The following AUTS2 variants were observed in gnomAD, a reference collection of about 807,000 sequenced individuals.
AUTS2 encodes autism susceptibility gene 2 protein.
AUTS2 carries 17 observed loss-of-function variants against 112.4 expected under a neutral mutation model. The observed-to-expected ratio is 0.15, with a 90% confidence interval of 0.10 to 0.23. The LOEUF (loss-of-function observed/expected upper bound fraction) is 0.23, where lower values mean the gene tolerates loss of function less well. Among genes scored for constraint, AUTS2 ranks in the 10% least tolerant of loss-of-function variants. The probability of loss-of-function intolerance (pLI) is 1.00; values close to 1 mark genes in which losing one functional copy is unlikely to be tolerated. For synonymous variants in AUTS2, 751 were observed against 702.7 expected, an observed-to-expected ratio of 1.07 and a Z score of -1.09; for missense variants, 1,510 against 1,701.6, an observed-to-expected ratio of 0.89 and a Z score of 1.98.
intron 5 of AUTS2, among the ~76,000 whole-genome samples, chr7:70,651,485 G>T (rs1358701243): frequency 6.6e-6 from 1 of 152,178 alleles, no homozygotes; most frequent in Non-Finnish European, 1.5e-5. Flanking sequence ...ACTGAGCATT[G>T]TAGCTTAGCC....
intron 1 of AUTS2, among the ~76,000 whole-genome samples, chr7:69,824,258 A>C (rs1478297076): frequency 6.6e-6 from 1 of 152,008 alleles, no homozygotes; most frequent in Non-Finnish European, 1.5e-5. Flanking sequence ...CTAAAAATAC[A>C]AAAAATTAGT....
In AUTS2 at chr7:69,645,183, A is replaced by T. The variant is rs80106758; in HGVS notation, c.309+45221A>T. On this transcript the variant is annotated intron_variant, in intron 1 of 18. Coordinates refer to ENST00000342771, the MANE Select transcript of AUTS2 (RefSeq NM_015570.4). Reference sequence around the variant, plus strand: ...TGCCTTGGCCTCCAAAAATACTGAGATTACAGGCATGAGCCACTGTGCCTG... The same window carrying T: ...TGCCTTGGCCTCCAAAAATACTGAGTTTACAGGCATGAGCCACTGTGCCTG... Among the ~76,000 whole-genome samples the T allele has an allele frequency of 0.021, 3,152 of 151,804 alleles. 235 individuals are homozygous for T. The East Asian group carries it at 0.27, about 13-fold the overall frequency.
At chr7:70,245,530 G>T (rs139535404) in intron 4 of AUTS2, among the ~76,000 whole-genome samples, 76 of 152,206 alleles carry the variant, frequency 5.0e-4, no homozygotes, top group African/African-American at 1.8e-3. Flanking sequence ...TGGTTTTTCT[G>T]CTGCTTAGTT....
rs1290634192 is a variant in AUTS2 at position 70,608,099 on chromosome 7, G to A, written c.691-90470G>A. 2.0e-5 allele frequency among the ~76,000 whole-genome samples: 3 copies of A among 151,970 alleles called. No individual in the cohort carries two copies. The East Asian group carries it at 5.8e-4, about 29-fold the overall frequency. ...GCATTTGCTCTTTTGTTAGTCTTTG[G>A]CATTTATTTTATTTTATTTTTAGAG... On this transcript the variant is annotated intron_variant, in intron 5 of 18. Coordinates refer to ENST00000342771, the MANE Select transcript of AUTS2 (RefSeq NM_015570.4).
chr7:69,891,924 C>A (rs2129539321), intron 1 of AUTS2, among the ~76,000 whole-genome samples: 1 of 150,266 alleles, frequency 6.7e-6, no homozygotes, highest in South Asian at 2.1e-4. Context: ...CTCCGAGTAG[C>A]TGGGATTACA....
At chr7:69,794,028 A>T (rs149325855) in intron 1 of AUTS2, among the ~76,000 whole-genome samples, 1 of 152,314 alleles carries the variant, frequency 6.6e-6, no homozygotes, top group Non-Finnish European at 1.5e-5. Context: ...AGGGAAAATT[A>T]TGCTGATTAG....
chr7:70,008,097 GTA>G (rs1799628144), intron 2 of AUTS2, among the ~76,000 whole-genome samples: 1 of 152,064 alleles, frequency 6.6e-6, no homozygotes, highest in East Asian at 1.9e-4. Context: ...CATGTGTTAA[GTA>G]TATTAACTCT....
intron 4 of AUTS2, among the ~76,000 whole-genome samples, chr7:70,289,720 T>C (rs1788625039): frequency 6.6e-6 from 1 of 152,220 alleles, no homozygotes; most frequent in East Asian, 1.9e-4. Flanking sequence ...GATTTTGGGC[T>C]TCCCTTCTAG....
At chr7:70,671,419 C>A (rs1807636471) in intron 5 of AUTS2, among the ~76,000 whole-genome samples, 1 of 152,196 alleles carries the variant, frequency 6.6e-6, no homozygotes, top group African/African-American at 2.4e-5. Flanking sequence ...CCTAGAATAT[C>A]TTTCTCACCT....
chr7:70,134,113 T>G (rs1206884775), intron 3 of AUTS2, among the ~76,000 whole-genome samples: 1 of 152,176 alleles, frequency 6.6e-6, no homozygotes, highest in East Asian at 1.9e-4. Flanking sequence ...CAAGTCAATC[T>G]GGGCTTTTTC....
chr7:70,517,267 G>T (rs1483922595), intron 5 of AUTS2, among the ~76,000 whole-genome samples: 2 of 152,130 alleles, frequency 1.3e-5, no homozygotes, highest in African/African-American at 4.8e-5. Flanking sequence ...TCTCAAGAGG[G>T]TTTCTTAGAC....
At chr7:70,598,275 G>A (rs1803299189) in intron 5 of AUTS2, among the ~76,000 whole-genome samples, 1 of 152,122 alleles carries the variant, frequency 6.6e-6, no homozygotes, top group Admixed American at 6.5e-5. Context: ...GTAGAAAGTT[G>A]TGTCCTTCCA....
At chr7:70,125,724 C>G (rs1805936700) in intron 3 of AUTS2, among the ~76,000 whole-genome samples, 1 of 152,182 alleles carries the variant, frequency 6.6e-6, no homozygotes, top group Admixed American at 6.5e-5. Context: ...CATGAAAACT[C>G]TCCAGGCAGT....
At chr7:69,968,214 CCT>C (rs957239781) in intron 2 of AUTS2, among the ~76,000 whole-genome samples, 77 of 152,172 alleles carry the variant, frequency 5.1e-4, no homozygotes, top group African/African-American at 1.7e-3. Context: ...GAATTTTTTT[CCT>C]CTTTCAGTTA....
Position 69,847,615 on chromosome 7 carries a change from G to A in AUTS2, c.310-51671G>A, listed in dbSNP as rs140877649. On this transcript the variant is annotated intron_variant, in intron 1 of 18. Coordinates refer to ENST00000342771, the MANE Select transcript of AUTS2 (RefSeq NM_015570.4). Reference sequence around the variant, plus strand: ...AGATTGATTTGTTGTTCAAAAGGCCGGTGCCCCTGGAATGAGGACCTACAA... The same window carrying A: ...AGATTGATTTGTTGTTCAAAAGGCCAGTGCCCCTGGAATGAGGACCTACAA... Among the ~76,000 whole-genome samples the A allele has an allele frequency of 2.1e-3, 324 of 152,252 alleles. 2 individuals are homozygous for A. The highest frequency in any genetic ancestry group is 2.3e-3 in the Admixed American group (35 of 15,282).
intron 2 of AUTS2, among the ~76,000 whole-genome samples, chr7:69,912,488 G>A (rs957931955): frequency 2.0e-5 from 3 of 152,226 alleles, no homozygotes; most frequent in Non-Finnish European, 1.5e-5. Flanking sequence ...CAGACAGGCT[G>A]CCACTGCCAT....
At chr7:70,787,140 A>G in intron 17 of AUTS2, 69 bp from the exon 18 acceptor site, 3 of 1,462,974 alleles carry the variant, frequency 2.1e-6, no homozygotes, top group Non-Finnish European at 2.8e-6. Context: ...GTTTTTTGGT[A>G]AGTACCTTCA....
intron 6 of AUTS2, among the ~76,000 whole-genome samples, chr7:70,702,716 C>T (rs552386476): frequency 3.9e-5 from 6 of 152,180 alleles, no homozygotes; most frequent in Non-Finnish European, 7.3e-5. Flanking sequence ...CCCACCTCAC[C>T]TCCATCAGCC....
chr7:69,800,255 A>G (rs536379181), intron 1 of AUTS2, among the ~76,000 whole-genome samples: 2 of 152,218 alleles, frequency 1.3e-5, no homozygotes, highest in East Asian at 1.9e-4. Flanking sequence ...TCAAATCTCC[A>G]TGTAGCAAGA....
Sources: gnomAD v4.1 joint callset for allele counts (sites outside exome capture counted in the v4.1 genomes callset) on GRCh38, gnomAD v4.1.1 for gene constraint, MANE v1.5 for transcripts, NCBI Gene and HGNC (gene_info 2026-07-23, HGNC 2026-07-21) for gene names.